The following ZMYM2 variants were observed in gnomAD, a reference collection of about 807,000 sequenced individuals.
ZMYM2 encodes the protein zinc finger MYM-type containing 2, also known as zinc finger MYM-type protein 2.
A neutral mutation model predicts 162.8 loss-of-function variants in ZMYM2; 56 were observed. The ratio of observed to expected loss-of-function variants is 0.34; its 90% CI spans 0.28 to 0.43. ZMYM2 has a LOEUF of 0.43. Ranked by LOEUF, ZMYM2 falls within the 20% of genes least tolerant of loss-of-function variation. ZMYM2 has a pLI of 1.00. For synonymous variants in ZMYM2, 510 were observed against 541.6 expected (o/e 0.94, Z 0.81); for missense variants, 1,275 against 1,621.8 (o/e 0.79, Z 3.67).
Position 19,993,729 on chromosome 13 carries a change from A to G in ZMYM2, c.657A>G (p.Ser219=), listed in dbSNP as rs767195502. ...DMNLMITHVT[S]LQNTNLGDVS... is the part of the protein sequence containing the mutation. ...ACTTAATGATTACACATGTAACATCACTGCAGAATACCAACTTGGGAGATG... is the reference window on the plus strand; with the variant it reads ...ACTTAATGATTACACATGTAACATCGCTGCAGAATACCAACTTGGGAGATG... The change falls in exon 3 of 25, where the codon TCA becomes TCG. Residue 219 remains serine, a synonymous_variant. Coordinates refer to ENST00000610343, the MANE Select transcript of ZMYM2 (RefSeq NM_197968.4). 6.2e-7 allele frequency: 1 copy of G among 1,614,030 alleles called. No homozygotes were observed. Among genetic ancestry groups the G allele is most frequent in the South Asian group, 1.1e-5 (1 of 91,078 alleles).
At chr13:19,965,376 C>A (rs1955652312) in intron 2 of ZMYM2, 3 of 618,462 alleles carry the variant, frequency 4.9e-6, no homozygotes, top group Admixed American at 6.7e-5. Context: ...TCATTCATTT[C>A]AAAGAGGTAT....
the ZMYM2 span, among the ~76,000 whole-genome samples, chr13:19,923,258 G>A: frequency 6.7e-6 from 1 of 148,188 alleles, no homozygotes; most frequent in Non-Finnish European, 1.5e-5. Flanking sequence ...TCGGGAGGCT[G>A]AGGCAGGAGA....
At chr13:20,027,397 AT>A in intron 9 of ZMYM2, 79 bp downstream of exon 9, 1 of 1,098,448 alleles carries the variant, frequency 9.1e-7, no homozygotes, top group Non-Finnish European at 1.2e-6. Context: ...AATATGCTTT[AT>A]TTTATCTTAA....
At chr13:20,003,343 CTT>C (rs1281615997) in intron 4 of ZMYM2, among the ~76,000 whole-genome samples, 3 of 152,106 alleles carry the variant, frequency 2.0e-5, no homozygotes, top group Non-Finnish European at 4.4e-5. Context: ...CCATTGGACT[CTT>C]TGATTTTGTA....
chr13:19,976,642 CAT>C (rs1408282326), intron 2 of ZMYM2, among the ~76,000 whole-genome samples: 14 of 152,224 alleles, frequency 9.2e-5, no homozygotes, highest in African/African-American at 1.4e-4. Flanking sequence ...AGATACTTCA[CAT>C]AAGTGGAATC....
At chr13:19,910,034 T>C in the ZMYM2 span, among the ~76,000 whole-genome samples, 2 of 140,170 alleles carry the variant, frequency 1.4e-5, no homozygotes, top group African/African-American at 5.2e-5. Flanking sequence ...GCCAACATGG[T>C]GAAACCCCCA....
chr13:19,935,596 A>T, the ZMYM2 span, among the ~76,000 whole-genome samples: 1 of 151,960 alleles, frequency 6.6e-6, no homozygotes, highest in Non-Finnish European at 1.5e-5. Context: ...TTTGGATAGT[A>T]GCCATCCTAA....
At chr13:19,897,743 GAT>G in the ZMYM2 span, among the ~76,000 whole-genome samples, 2 of 151,880 alleles carry the variant, frequency 1.3e-5, no homozygotes, top group African/African-American at 4.8e-5. Context: ...CCATATTTAT[GAT>G]ATGTGTATAT....
At chr13:19,870,599 T>TTCCTTCCTTCCTTC in the ZMYM2 span, among the ~76,000 whole-genome samples, 4 of 131,698 alleles carry the variant, frequency 3.0e-5, no homozygotes, top group African/African-American at 1.2e-4. Context: ...TTCCTTCCTT[T>TTCCTTCCTTCCTTC]CTTTCTTTCT....
At chr13:20,083,921 A>G in intron 24 of ZMYM2, 145 bp downstream of exon 24, 1 of 851,538 alleles carries the variant, frequency 1.2e-6, no homozygotes, top group Non-Finnish European at 1.8e-6. Flanking sequence ...TTCAGTTATA[A>G]TCTTTTATTT....
intron 1 of ZMYM2, among the ~76,000 whole-genome samples, 187 bp downstream of exon 1, chr13:19,959,028 C>G (rs1241838857): frequency 6.6e-6 from 1 of 151,874 alleles, no homozygotes; most frequent in African/African-American, 2.4e-5. Context: ...GCCGTCGCCG[C>G]TGCCGCGTCG....
At chr13:19,941,940 T>C in the ZMYM2 span, among the ~76,000 whole-genome samples, 1 of 151,804 alleles carries the variant, frequency 6.6e-6, no homozygotes, top group Non-Finnish European at 1.5e-5. Flanking sequence ...AGAGATGGGA[T>C]CTTGCCAGTT....
At chr13:19,977,180 G>C (rs1460292194) in intron 2 of ZMYM2, among the ~76,000 whole-genome samples, 1 of 151,706 alleles carries the variant, frequency 6.6e-6, no homozygotes, top group South Asian at 2.1e-4. Context: ...TATCTGAAGT[G>C]AATCTTTTTC....
At chr13:19,949,809 C>T in the ZMYM2 span, among the ~76,000 whole-genome samples, 1 of 145,870 alleles carries the variant, frequency 6.9e-6, no homozygotes, top group African/African-American at 2.5e-5. Flanking sequence ...CTCGCTTGAA[C>T]CTGGGAGAAC....
intron 14 of ZMYM2, among the ~76,000 whole-genome samples, chr13:20,057,855 C>T (rs966241446): frequency 5.3e-5 from 8 of 152,122 alleles, no homozygotes; most frequent in Non-Finnish European, 8.8e-5. Context: ...ATAACTATTC[C>T]GAATTATGTA....
intron 6 of ZMYM2, among the ~76,000 whole-genome samples, chr13:20,010,895 T>C (rs1951119468): frequency 1.3e-5 from 2 of 152,206 alleles, no homozygotes; most frequent in Admixed American, 6.5e-5. Flanking sequence ...CGCCTCGGCC[T>C]CCCCAAGTGC....
chr13:20,044,206 A>T (rs1312889834), intron 12 of ZMYM2, among the ~76,000 whole-genome samples: 1 of 152,148 alleles, frequency 6.6e-6, no homozygotes, highest in Non-Finnish European at 1.5e-5. Context: ...TGGGCTCCAG[A>T]TCAGCTGGCT....
intron 12 of ZMYM2, among the ~76,000 whole-genome samples, chr13:20,045,214 A>G (rs1954658335): frequency 6.6e-6 from 1 of 152,186 alleles, no homozygotes; most frequent in Non-Finnish European, 1.5e-5. Context: ...GGAGAATTGC[A>G]GGAGTTCTGG....
chr13:19,877,726 C>T, the ZMYM2 span, among the ~76,000 whole-genome samples: 1 of 152,190 alleles, frequency 6.6e-6, no homozygotes, highest in Non-Finnish European at 1.5e-5. Context: ...GTCCAAATTT[C>T]CTTCCTTTTT....
Sources: allele counts gnomAD v4.1 joint callset (sites outside exome capture counted in the v4.1 genomes callset), GRCh38; gene constraint gnomAD v4.1.1; transcripts MANE v1.5; gene names NCBI Gene and HGNC (gene_info 2026-07-23, HGNC 2026-07-21).